KIF26B: variants seen among roughly 807,000 people sequenced by gnomAD.
KIF26B encodes kinesin-like protein KIF26B.
Under a neutral mutation model 151.2 loss-of-function variants are expected in KIF26B, and 63 were observed. The ratio of observed to expected loss-of-function variants is 0.42; its 90% CI spans 0.34 to 0.51. The LOEUF is 0.51. KIF26B is among the 20% of genes least tolerant of loss of function. KIF26B has a pLI of 0.07. For missense variants in KIF26B, 2,813 were observed against 2,913.6 expected, an observed-to-expected ratio of 0.97 and a Z score of 0.79; for synonymous variants, 1,357 against 1,262.1, an observed-to-expected ratio of 1.08 and a Z score of -1.59.
chr1:245,176,577 C>T (rs73125049), intron 2 of KIF26B, among the ~76,000 whole-genome samples: 14,178 of 151,990 alleles, frequency 0.093, 847 homozygotes, highest in African/African-American at 0.17. Context: ...TAAGATGCCA[C>T]GTGTGAGCCA....
At chr1:245,554,153 A>G (rs1336405706) in intron 5 of KIF26B, among the ~76,000 whole-genome samples, 1 of 151,760 alleles carries the variant, frequency 6.6e-6, no homozygotes, top group Non-Finnish European at 1.5e-5. Flanking sequence ...CCTTGCCCAG[A>G]TTTCTCTGAT....
At chr1:245,395,519 A>G (rs1413145904) in intron 3 of KIF26B, among the ~76,000 whole-genome samples, 1 of 152,182 alleles carries the variant, frequency 6.6e-6, no homozygotes, top group Non-Finnish European at 1.5e-5. Context: ...GCAGCCCTCT[A>G]GACCTGAAGG....
chr1:245,300,012 A>C (rs1171677963), intron 2 of KIF26B, among the ~76,000 whole-genome samples: 1 of 152,240 alleles, frequency 6.6e-6, no homozygotes, highest in Admixed American at 6.5e-5. Context: ...AACTGAGGAT[A>C]GCAGACATTG....
chr1:245,452,980 G>A (rs1659433294), intron 4 of KIF26B, among the ~76,000 whole-genome samples: 1 of 152,142 alleles, frequency 6.6e-6, no homozygotes, highest in African/African-American at 2.4e-5. Flanking sequence ...TGCTTTTAGT[G>A]TCATATTTAA....
chr1:245,264,525 A>G (rs1670704861), intron 2 of KIF26B, among the ~76,000 whole-genome samples: 1 of 152,094 alleles, frequency 6.6e-6, no homozygotes, highest in African/African-American at 2.4e-5. Context: ...TTCAAAGAAA[A>G]TGGAAACTTT....
intron 4 of KIF26B, among the ~76,000 whole-genome samples, chr1:245,450,577 T>G (rs1297343722): frequency 6.6e-6 from 1 of 152,228 alleles, no homozygotes; most frequent in Non-Finnish European, 1.5e-5. Context: ...TACCATTCAT[T>G]GTTGGTGCCT....
intron 4 of KIF26B, among the ~76,000 whole-genome samples, chr1:245,467,441 T>C (rs1232640361): frequency 1.3e-5 from 2 of 152,176 alleles, no homozygotes; most frequent in African/African-American, 2.4e-5. Context: ...AAGGGTCTTC[T>C]TCTATCAGTG....
rs61494632 is a variant in KIF26B at position 245,568,184 on chromosome 1, CAAAAAAAAAAAAAAAA to C, written c.1350+27249_1350+27264del. Among the ~76,000 whole-genome samples the C allele has an allele frequency of 5.9e-4, 17 of 28,706 alleles. 1 individual carries two copies. In the South Asian group the frequency reaches 0.024, roughly 40 times the overall value. The allele number at this position is 28,706 out of a possible 152,430, so 18.8% of individuals were successfully genotyped here. A position where few individuals can be genotyped will look rare whatever the true frequency, so the allele number is the denominator to read the frequency against. On this transcript the variant is annotated intron_variant, in intron 5 of 14. Transcript: ENST00000407071. ...TGGGCAACAGAGTGAAACTCCATCT[CAAAAAAAAAAAAAAAA>C]AAAAAAAAAAAAAAGAAGCTCTCAA...
intron 4 of KIF26B, among the ~76,000 whole-genome samples, chr1:245,431,344 A>G (rs1244498209): frequency 9.0e-6 from 1 of 110,516 alleles, no homozygotes; most frequent in Non-Finnish European, 1.9e-5. Flanking sequence ...ATGCCCAGCT[A>G]ATTTTTTTTT....
intron 2 of KIF26B, among the ~76,000 whole-genome samples, chr1:245,308,639 G>T (rs1558383534): frequency 6.6e-6 from 1 of 152,152 alleles, no homozygotes; most frequent in East Asian, 1.9e-4. Context: ...GGCGGAGGCG[G>T]GAGGATCACC....
At chr1:245,579,048 T>C (rs1399560982) in intron 5 of KIF26B, among the ~76,000 whole-genome samples, 1 of 152,240 alleles carries the variant, frequency 6.6e-6, no homozygotes, top group African/African-American at 2.4e-5. Flanking sequence ...AAAAAGTCCT[T>C]TCTAAACTTT....
chr1:245,572,401 G>A lies in KIF26B; in HGVS notation c.1351-30176G>A, dbSNP rs1377493061. ...GGGAGCAGAAGTGCCACTGGAGTAG[G>A]GTGGCTGGTTTGAGGGTGTGGCCCC... On this transcript the variant is annotated intron_variant, in intron 5 of 14. Transcript: ENST00000407071. The surrounding 1 kb of genome is among the most constrained non-coding windows in gnomAD (Gnocchi z 4.2). Among the ~76,000 whole-genome samples the A allele has an allele frequency of 1.3e-5, 2 of 152,064 alleles. No individual in the cohort carries two copies. The highest frequency in any genetic ancestry group is 2.4e-5 in the African/African-American group (1 of 41,388).
intron 14 of KIF26B, 105 bp downstream of exon 14, chr1:245,699,142 TCA>T: frequency 8.1e-7 from 1 of 1,232,238 alleles, no homozygotes; most frequent in South Asian, 1.4e-5. Context: ...GTCCTCGTCC[TCA>T]GTCACAGGAT....
rs879933409 is a variant in KIF26B, at chr1:245,601,270, C to A, written c.1351-1307C>A. Among the ~76,000 whole-genome samples the A allele has an allele frequency of 6.6e-6, 1 of 152,194 alleles. No individual in the cohort carries two copies. Among genetic ancestry groups the A allele is most frequent in the African/African-American group, 2.4e-5 (1 of 41,444 alleles). Reference sequence around the variant, plus strand: ...GCGGGGACACGGTGCAGGACACCTGCGGACCCAGTGCCCTTGGGATTCTTT... The same window carrying A: ...GCGGGGACACGGTGCAGGACACCTGAGGACCCAGTGCCCTTGGGATTCTTT... On this transcript the variant is annotated intron_variant, in intron 5 of 14. Coordinates refer to ENST00000407071, the MANE Select transcript of KIF26B (RefSeq NM_018012.4). This position sits in a 1 kb window ranked among gnomAD's most constrained non-coding sequence, Gnocchi z 4.4.
At chr1:245,628,419 T>C (rs549953002) in intron 9 of KIF26B, among the ~76,000 whole-genome samples, 18 of 152,214 alleles carry the variant, frequency 1.2e-4, no homozygotes, top group Non-Finnish European at 2.5e-4. Flanking sequence ...AGGCAGAGAT[T>C]GCAGTTAGCC....
chr1:245,494,867 C>CT (rs147197517), intron 4 of KIF26B, among the ~76,000 whole-genome samples: 5,031 of 151,934 alleles, frequency 0.033, 133 homozygotes, highest in Non-Finnish European at 0.05. Context: ...CGGTGAAACT[C>CT]TGTCTCTATA....
chr1:245,581,364 C>A (rs1050055701), intron 5 of KIF26B, among the ~76,000 whole-genome samples: 9 of 151,958 alleles, frequency 5.9e-5, no homozygotes, highest in Admixed American at 5.3e-4. Flanking sequence ...GGTTTTGCTG[C>A]AAATATATTC....
Position 245,606,849 on chromosome 1 carries a change from GGTCAGGA to G in KIF26B, c.1558-799_1558-793del, listed in dbSNP as rs1248159583. ...AGGCCGAGGCGGGTGGATCACCTGAGGTCAGGAGTTTGAGACCAGCCTGACCAACGTG... is the reference window on the plus strand; with the variant it reads ...AGGCCGAGGCGGGTGGATCACCTGAGGTTTGAGACCAGCCTGACCAACGTG... On this transcript the variant is annotated intron_variant, in intron 6 of 14. Transcript: ENST00000407071. This position sits in a 1 kb window ranked among gnomAD's most constrained non-coding sequence, Gnocchi z 4.6. 6.6e-6 allele frequency among the ~76,000 whole-genome samples: 1 copy of G among 152,114 alleles called. No homozygotes were observed. Among genetic ancestry groups the G allele is most frequent in the East Asian group, 1.9e-4 (1 of 5,180 alleles).
chr1:245,685,027 C>CTTTTTTTTTT (rs2044491244), intron 11 of KIF26B, among the ~76,000 whole-genome samples: 1 of 151,662 alleles, frequency 6.6e-6, no homozygotes, highest in Admixed American at 6.7e-5. Flanking sequence ...GAGGTGGGGG[C>CTTTTTTTTTT]CTTTTTCCCC....
Sources: gnomAD v4.1 joint callset for allele counts (sites outside exome capture counted in the v4.1 genomes callset) on GRCh38, gnomAD v4.1.1 for gene constraint, Gnocchi (gnomAD v3.1) non-coding constraint, MANE v1.5 for transcripts, NCBI Gene and HGNC (gene_info 2026-07-23, HGNC 2026-07-21) for gene names.